The following SPRED1 variants were observed in gnomAD, a reference collection of about 807,000 sequenced individuals.
The protein encoded by SPRED1 is sprouty-related, EVH1 domain-containing protein 1.
Under a neutral mutation model 52.3 loss-of-function variants are expected in SPRED1, and 18 were observed. That is an observed-to-expected ratio of 0.34 (90% CI 0.24 to 0.51). SPRED1 has a LOEUF of 0.51. SPRED1 is among the 20% of genes least tolerant of loss of function. The pLI is 0.97. For synonymous variants in SPRED1, 155 were observed against 179.7 expected (o/e 0.86, Z 1.10); for missense variants, 485 against 551.0 (o/e 0.88, Z 1.20).
At chr15:38,345,628 G>C (rs1896117739) in intron 5 of SPRED1, among the ~76,000 whole-genome samples, 1 of 152,134 alleles carries the variant, frequency 6.6e-6, no homozygotes, top group South Asian at 2.1e-4. Context: ...GGTTTCCCTT[G>C]CTCCTCCAAA....
intron 5 of SPRED1, among the ~76,000 whole-genome samples, chr15:38,348,524 A>G (rs2141014217): frequency 6.6e-6 from 1 of 152,194 alleles, no homozygotes; most frequent in East Asian, 1.9e-4. Context: ...TGAAAGGTCT[A>G]AGATGGAAGG....
Position 38,338,298 on chromosome 15 carries a change from G to GTTTT in SPRED1, c.424-1438_424-1435dup, listed in dbSNP as rs141295976. Among the ~76,000 whole-genome samples, 75 of 140,694 alleles carry GTTTT rather than the reference G, an allele frequency of 5.3e-4. 1 individual carries two copies. The highest frequency in any genetic ancestry group is 2.5e-3 in the East Asian group (12 of 4,824). The allele number at this position is 140,694 out of a possible 152,430, so 92.3% of individuals were successfully genotyped here. A position where few individuals can be genotyped will look rare whatever the true frequency, so the allele number is the denominator to read the frequency against. ...GTCTTTTCTCACCCATTTTTGTTTT[G>GTTTT]TTTTGTTTTTTTTCTCCCAGTATTC... On this transcript the variant is annotated intron_variant, in intron 4 of 6. Coordinates refer to ENST00000299084, the MANE Select transcript of SPRED1 (RefSeq NM_152594.3).
At chr15:38,348,721 A>G (rs1896192608) in intron 5 of SPRED1, among the ~76,000 whole-genome samples, 1 of 152,118 alleles carries the variant, frequency 6.6e-6, no homozygotes, top group Non-Finnish European at 1.5e-5. Flanking sequence ...TAGATAATAG[A>G]CCCATGGTGA....
chr15:38,338,930 T>C (rs1895975872), intron 4 of SPRED1, among the ~76,000 whole-genome samples: 1 of 152,108 alleles, frequency 6.6e-6, no homozygotes, highest in Admixed American at 6.5e-5. Context: ...TTGTTAGCCC[T>C]ATAGTGATTA....
intron 2 of SPRED1, among the ~76,000 whole-genome samples, chr15:38,311,541 T>C (rs1365016959): frequency 6.6e-6 from 1 of 152,202 alleles, no homozygotes; most frequent in Non-Finnish European, 1.5e-5. Flanking sequence ...TCATTGAAAC[T>C]ATCTCAATAT....
At chr15:38,269,232 G>A (rs1317959641) in intron 1 of SPRED1, among the ~76,000 whole-genome samples, 1 of 151,766 alleles carries the variant, frequency 6.6e-6, no homozygotes, top group South Asian at 2.1e-4. Flanking sequence ...GTGAGCCACC[G>A]CACCCAGCCA....
intron 1 of SPRED1, among the ~76,000 whole-genome samples, chr15:38,275,849 A>C (rs1894540955): frequency 6.6e-6 from 1 of 152,200 alleles, no homozygotes; most frequent in Non-Finnish European, 1.5e-5. Flanking sequence ...GCTGAAGTTA[A>C]AAGTCTTATT....
rs1240045670 is a variant in SPRED1, at chr15:38,349,442, C to G, written c.603C>G (p.Gly201=). The change falls in exon 6 of 7, where the codon GGC becomes GGG. Residue 201 remains glycine (G), a synonymous_variant. Coordinates refer to ENST00000299084, the MANE Select transcript of SPRED1 (RefSeq NM_152594.3). ...TTTAGATAACATTTGGTCAGCCAGG[C>G]TTGGACATTCAGAGCAGAAGTATGG... The part of the protein sequence containing the change: ...QANQITFGQP[G]LDIQSRSMEY... The G allele has an allele frequency of 1.2e-6, 2 of 1,612,296 alleles. No individual in the cohort carries two copies. Among genetic ancestry groups the G allele is most frequent in the East Asian group, 2.2e-5 (1 of 44,790 alleles).
intron 1 of SPRED1, among the ~76,000 whole-genome samples, chr15:38,266,609 C>T (rs182315747): frequency 3.9e-5 from 6 of 152,218 alleles, no homozygotes; most frequent in Middle Eastern, 3.4e-3. Flanking sequence ...GCACTGTGCT[C>T]CAGCCTGGGC....
At chr15:38,289,531 T>G (rs1240672344) in intron 1 of SPRED1, among the ~76,000 whole-genome samples, 1 of 152,120 alleles carries the variant, frequency 6.6e-6, no homozygotes, top group African/African-American at 2.4e-5. Flanking sequence ...CAACTGTGAT[T>G]AAGTTTGTGA....
chr15:38,268,857 TCAG>T (rs1894366657), intron 1 of SPRED1, among the ~76,000 whole-genome samples: 2 of 152,126 alleles, frequency 1.3e-5, no homozygotes, highest in South Asian at 2.1e-4. Context: ...CCTATCTACC[TCAG>T]TACATTTTCA....
At chr15:38,329,919 A>G (rs1331390941) in intron 4 of SPRED1, among the ~76,000 whole-genome samples, 1 of 152,154 alleles carries the variant, frequency 6.6e-6, no homozygotes, top group East Asian at 1.9e-4. Context: ...TAGCTATTAC[A>G]TTATGTAGCT....
chr15:38,277,503 C>G (rs975026734), intron 1 of SPRED1, among the ~76,000 whole-genome samples: 16 of 152,080 alleles, frequency 1.1e-4, no homozygotes, highest in African/African-American at 3.6e-4. Flanking sequence ...ACCATGTTTT[C>G]TTTATCCAGT....
intron 1 of SPRED1, among the ~76,000 whole-genome samples, chr15:38,275,344 A>G (rs1264084465): frequency 2.6e-5 from 4 of 152,078 alleles, no homozygotes; most frequent in Non-Finnish European, 5.9e-5. Context: ...GTATCATAAG[A>G]TGCTCCAGGC....
At chr15:38,298,555 A>G (rs1374833251) in intron 1 of SPRED1, 3 of 303,274 alleles carry the variant, frequency 9.9e-6, no homozygotes, top group South Asian at 2.7e-5. Flanking sequence ...TGAGAGAAAG[A>G]AGTCAGACAA....
intron 2 of SPRED1, among the ~76,000 whole-genome samples, chr15:38,315,142 T>C (rs957953806): frequency 6.6e-6 from 1 of 151,968 alleles, no homozygotes; most frequent in African/African-American, 2.4e-5. Context: ...ATTTGAGATA[T>C]CAGTTATTGA....
At chr15:38,331,157 C>T (rs1301968765) in intron 4 of SPRED1, among the ~76,000 whole-genome samples, 1 of 147,738 alleles carries the variant, frequency 6.8e-6, no homozygotes, top group Non-Finnish European at 1.5e-5. Flanking sequence ...GAGAGTAAAA[C>T]AAATTTTCAT....
intron 1 of SPRED1, among the ~76,000 whole-genome samples, chr15:38,276,759 G>T (rs1312253334): frequency 6.6e-5 from 10 of 152,104 alleles, no homozygotes; most frequent in African/African-American, 2.4e-4. Flanking sequence ...AGTCTATTCT[G>T]TTTAAACATT....
At chr15:38,345,985 T>C (rs1345299429) in intron 5 of SPRED1, among the ~76,000 whole-genome samples, 1 of 152,220 alleles carries the variant, frequency 6.6e-6, no homozygotes, top group East Asian at 1.9e-4. Context: ...TTAGTAATGC[T>C]TAAATAGGCA....
Sources: gnomAD v4.1 joint callset for allele counts (sites outside exome capture counted in the v4.1 genomes callset) on GRCh38, gnomAD v4.1.1 for gene constraint, MANE v1.5 for transcripts, NCBI Gene and HGNC (gene_info 2026-07-23, HGNC 2026-07-21) for gene names.